CUBN: variants seen among roughly 807,000 people sequenced by gnomAD.
CUBN encodes 460 kDa receptor.
A neutral mutation model predicts 405.3 loss-of-function variants in CUBN; 282 were observed. The ratio of observed to expected loss-of-function variants is 0.70; its 90% CI spans 0.63 to 0.77. CUBN has a LOEUF of 0.77. CUBN is among the 30% of genes least tolerant of loss of function. The pLI is 0.00. For synonymous variants in CUBN, 1,684 were observed against 1,617.0 expected (o/e 1.04, Z -0.99); for missense variants, 4,514 against 4,475.2 (o/e 1.01, Z -0.25).
intron 6 of CUBN, among the ~76,000 whole-genome samples, chr10:17,120,928 T>C (rs956737107): frequency 6.6e-6 from 1 of 152,200 alleles, no homozygotes; most frequent in African/African-American, 2.4e-5. Context: ...GCAGAAGTTC[T>C]AGGAGCCTGG....
chr10:16,953,517 A>T (rs1842972954), intron 32 of CUBN, among the ~76,000 whole-genome samples: 2 of 152,144 alleles, frequency 1.3e-5, no homozygotes, highest in Admixed American at 6.6e-5. Context: ...TGACTATGGG[A>T]TAAGGGGTTC....
At position 16,947,362 on chromosome 10, in the gene CUBN, C is replaced by T. The variant is rs2131619882; in HGVS notation, c.5215G>A (p.Gly1739Ser). The T allele has an allele frequency of 6.2e-7, 1 of 1,613,928 alleles. No homozygotes were observed. The highest frequency in any genetic ancestry group is 8.5e-7 in the Non-Finnish European group (1 of 1,179,980). Reference sequence around the variant, plus strand: ...CCTTCAGCCATGTAGAACGTTCCACCACAAGCTGGAAGAAAATAGAAATAA... The same window carrying T: ...CCTTCAGCCATGTAGAACGTTCCACTACAAGCTGGAAGAAAATAGAAATAA... ...TTVTASVSAC[G>S]GTFYMAEGIF... The change falls in exon 36 of 67, where the codon GGT (glycine) becomes AGT (serine). Residue 1739 changes from glycine (G) to serine (S), a missense_variant. Physicochemically the swap from Gly to Ser is moderately conservative, Grantham distance 56. Around this residue, in one of 5 missense-constraint regions of CUBN, gnomAD observed 1,613 missense variants for 1,542.8 expected, o/e 1.05. Transcript: ENST00000377833.
chr10:17,106,288 GA>G (rs150569453), intron 10 of CUBN, among the ~76,000 whole-genome samples: 17 of 147,822 alleles, frequency 1.2e-4, no homozygotes, highest in Admixed American at 3.4e-4. Context: ...CCATTTCCAA[GA>G]AAAAATTTTT....
chr10:17,117,709 C>A (rs1189483772), intron 6 of CUBN, among the ~76,000 whole-genome samples: 2 of 152,158 alleles, frequency 1.3e-5, no homozygotes, highest in African/African-American at 4.8e-5. Flanking sequence ...GGATTACAGG[C>A]GTGAGCCACC....
In CUBN at chr10:16,906,395, G is replaced by C; in HGVS notation, c.7720C>G (p.Leu2574Val). Residue 2574 changes from leucine to valine, a missense_variant, in exon 50 of 67, where the codon CTT becomes GTT. Leu to Val is a conservative substitution (Grantham distance 32). This residue lies in a region of CUBN where 1,613 missense variants were observed against 1,542.8 expected (regional missense o/e 1.05). Coordinates refer to ENST00000377833, the MANE Select transcript of CUBN (RefSeq NM_001081.4). ...AAGTTTCCTTCAGGAGTATTTGGAAGAGACCCACCACACACTAAGAAAACA... is the reference window on the plus strand; with the variant it reads ...AAGTTTCCTTCAGGAGTATTTGGAACAGACCCACCACACACTAAGAAAACA... Reference protein sequence around the residue: ...SSEDAVCGGSLPNTPEGNFTS... With the variant: ...SSEDAVCGGSVPNTPEGNFTS... The C allele has an allele frequency of 6.2e-7, 1 of 1,613,270 alleles. No homozygotes were observed.
intron 22 of CUBN, among the ~76,000 whole-genome samples, chr10:17,050,499 T>C (rs1287168316): frequency 2.6e-5 from 4 of 152,090 alleles, no homozygotes; most frequent in Non-Finnish European, 5.9e-5. Context: ...AGAAGAAGTA[T>C]ATAGAGAGGA....
chr10:17,115,180 G>A (rs1025355693), intron 7 of CUBN, among the ~76,000 whole-genome samples: 1 of 147,452 alleles, frequency 6.8e-6, no homozygotes, highest in Non-Finnish European at 1.5e-5. Context: ...GGAGGTGAAG[G>A]TTGCAGTGAG....
chr10:16,947,169 A>G (rs977816810), intron 36 of CUBN, 66 bp downstream of exon 36: 43 of 1,544,648 alleles, frequency 2.8e-5, no homozygotes, highest in Non-Finnish European at 3.8e-5. Flanking sequence ...CCATCCTATT[A>G]GCACCAGAAC....
intron 19 of CUBN, among the ~76,000 whole-genome samples, 164 bp downstream of exon 19, chr10:17,071,262 T>C (rs1564503253): frequency 6.6e-6 from 1 of 152,224 alleles, no homozygotes; most frequent in Non-Finnish European, 1.5e-5. Context: ...TGTGCTAGAT[T>C]CACTGAACCA....
At chr10:16,855,099 CCCTT>C (rs1261577164) in intron 59 of CUBN, among the ~76,000 whole-genome samples, 34 of 114,942 alleles carry the variant, frequency 3.0e-4, no homozygotes, top group East Asian at 3.1e-4. Flanking sequence ...CTCCCTCCTT[CCCTT>C]CCTTCCTTCC....
chr10:16,848,278 A>G (rs1839578867), intron 60 of CUBN, among the ~76,000 whole-genome samples: 1 of 152,212 alleles, frequency 6.6e-6, no homozygotes, highest in South Asian at 2.1e-4. Context: ...TACTCAAATC[A>G]TTCTATAAGA....
intron 21 of CUBN, 82 bp from the exon 22 acceptor site, chr10:17,065,720 A>G: frequency 6.6e-7 from 1 of 1,512,826 alleles, no homozygotes; most frequent in South Asian, 1.1e-5. Context: ...TGGACATGTA[A>G]ATATAATAAT....
In CUBN at chr10:16,983,982, G is replaced by A. The variant is rs531437657; in HGVS notation, c.4525+123C>T. The stretch of plus-strand genomic sequence containing the variant: ...GAAGGGTATATGTCAGGTCTCAGTA[G>A]GCTGCCCTTTGGGATGTCACTAAGT... On this transcript the variant is annotated intron_variant, in intron 30 of 66. Transcript: ENST00000377833. 3.8e-6 allele frequency: 4 copies of A among 1,053,954 alleles called. No individual in the cohort carries two copies. The African/African-American group carries it at 6.2e-5, about 16-fold the overall frequency. The allele number at this position is 1,053,954 out of a possible 1,614,324, so 65.3% of individuals were successfully genotyped here. A position where few individuals can be genotyped will look rare whatever the true frequency, so the allele number is the denominator to read the frequency against.
At chr10:17,122,965 A>G (rs1837081001) in intron 5 of CUBN, 67 bp from the exon 6 acceptor site, 2 of 1,068,708 alleles carry the variant, frequency 1.9e-6, no homozygotes, top group African/African-American at 3.1e-5. Context: ...GAACATTCAC[A>G]TGATACGTTT....
rs886046868 is a variant in CUBN, at chr10:16,907,627, C to G, written c.7586G>C (p.Ser2529Thr). Residue 2529 changes from serine to threonine, a missense_variant, in exon 49 of 67, where the codon AGT becomes ACT. Physicochemically the swap from Ser to Thr is moderately conservative, Grantham distance 58. This residue lies in a region of CUBN where 1,613 missense variants were observed against 1,542.8 expected (regional missense o/e 1.05). Coordinates refer to ENST00000377833, the MANE Select transcript of CUBN (RefSeq NM_001081.4). ...NSPQLEKLCS[S>T]VNVSNEIKSS... ...TTTAATCTCATTGCTTACATTCACA[C>G]TACTACACAGTTTCTCTAGCTGGGG... 1.2e-6 allele frequency: 2 copies of G among 1,612,868 alleles called. No individual in the cohort carries two copies. Among genetic ancestry groups the G allele is most frequent in the African/African-American group, 2.7e-5 (2 of 75,000 alleles).
rs753497576 is a variant in CUBN, at chr10:17,068,606, C to G, written c.2790G>C (p.Leu930Phe). ...GFMAKFSAEDLACGEILTEST... is the reference protein window; with the variant it reads ...GFMAKFSAEDFACGEILTEST... Reference sequence around the variant, plus strand: ...AAAAAAAAGGGAACAGTCTCTTACCCAAATCCTCAGCACTGAACTTAGCCA... The same window carrying G: ...AAAAAAAAGGGAACAGTCTCTTACCGAAATCCTCAGCACTGAACTTAGCCA... Residue 930 changes from leucine (L) to phenylalanine (F), a missense_variant and splice_region_variant, in exon 20 of 67, where the codon TTG becomes TTC. Physicochemically the swap from Leu to Phe is conservative, Grantham distance 22 (BLOSUM62 0). Around this residue, in one of 5 missense-constraint regions of CUBN, gnomAD observed 1,448 missense variants for 1,388.0 expected, o/e 1.04. Coordinates refer to ENST00000377833, the MANE Select transcript of CUBN (RefSeq NM_001081.4). 32 of 1,610,868 alleles carry G rather than the reference C, an allele frequency of 2.0e-5. No individual in the cohort carries two copies. Among genetic ancestry groups the G allele is most frequent in the Non-Finnish European group, 2.5e-5 (30 of 1,178,148 alleles).
chr10:16,880,949 A>G (rs1840651749), intron 56 of CUBN, among the ~76,000 whole-genome samples: 1 of 152,232 alleles, frequency 6.6e-6, no homozygotes, highest in African/African-American at 2.4e-5. Context: ...AAAAGAGGAC[A>G]AAAAAGAAAT....
intron 28 of CUBN, among the ~76,000 whole-genome samples, chr10:16,992,264 A>G (rs1473379173): frequency 2.6e-5 from 4 of 152,148 alleles, no homozygotes; most frequent in African/African-American, 9.7e-5. Context: ...GGGGGGAGGG[A>G]TAGCATTAGG....
At chr10:16,921,266 C>A (rs1271111419) in intron 43 of CUBN, among the ~76,000 whole-genome samples, 1 of 152,178 alleles carries the variant, frequency 6.6e-6, no homozygotes, top group Non-Finnish European at 1.5e-5. Flanking sequence ...AGATGAGAAT[C>A]TCTTCCATTT....
Sources: gnomAD v4.1 joint callset for allele counts (sites outside exome capture counted in the v4.1 genomes callset) on GRCh38, gnomAD v4.1.1 for gene constraint, gnomAD v4.1.1 regional missense constraint, MANE v1.5 for transcripts, NCBI Gene and HGNC (gene_info 2026-07-23, HGNC 2026-07-21) for gene names.